IRS2: variants seen among roughly 807,000 people sequenced by gnomAD.
IRS2 encodes the protein insulin receptor substrate 2.
IRS2 carries 28 observed loss-of-function variants against 70.9 expected under a neutral mutation model. That is an observed-to-expected ratio of 0.39 (90% CI 0.29 to 0.54). IRS2 has a LOEUF of 0.54. Ranked by LOEUF, IRS2 falls within the 20% of genes least tolerant of loss-of-function variation. IRS2 has a pLI of 0.59. For synonymous variants in IRS2, 1,217 were observed against 981.9 expected, an observed-to-expected ratio of 1.24 and a Z score of -4.48; for missense variants, 2,081 against 2,024.1, an observed-to-expected ratio of 1.03 and a Z score of -0.54.
At position 109,785,956 on chromosome 13, in the gene IRS2, T is replaced by C. The variant is rs1048711377; in HGVS notation, c.98A>G (p.Lys33Arg). 2.7e-6 allele frequency: 4 copies of C among 1,497,988 alleles called. No individual in the cohort carries two copies. The highest frequency in any genetic ancestry group is 3.5e-6 in the Non-Finnish European group (4 of 1,129,550). 92.8% of individuals were successfully genotyped at this position (1,497,988 alleles called of 1,614,324 possible). The change falls in exon 1 of 2, where the codon AAG becomes AGG. Residue 33 changes from lysine to arginine, a missense_variant. Transcript: ENST00000375856. This position sits in a 1 kb window ranked among gnomAD's most constrained non-coding sequence, Gnocchi z 9.3. ...CTTCTGCTTGCGCAGGTAGCCGCAC[T>C]TGCGCACGCTGTGGTTGTTGTTGTT... ...NNNNNNHSVR[K>R]CGYLRKQKHG...
intron 1 of IRS2, among the ~76,000 whole-genome samples, chr13:109,769,712 C>T (rs1403779642): frequency 1.3e-5 from 2 of 152,178 alleles, no homozygotes; most frequent in Non-Finnish European, 2.9e-5. Context: ...ACTGAAGACT[C>T]GCCCACTTTC....
intron 1 of IRS2, among the ~76,000 whole-genome samples, chr13:109,765,477 C>A (rs1377182457): frequency 6.8e-6 from 1 of 146,988 alleles, no homozygotes. Flanking sequence ...ATATCCCAGC[C>A]TCATCCACCC....
rs779360006 is a variant in IRS2 at position 109,785,477 on chromosome 13, C to T, written c.577G>A (p.Ala193Thr). 2.5e-6 allele frequency: 4 copies of T among 1,611,604 alleles called. No individual in the cohort carries two copies. The highest frequency in any genetic ancestry group is 3.4e-6 in the Non-Finnish European group (4 of 1,179,670). Residue 193 changes from alanine to threonine, a missense_variant, in exon 1 of 2, where the codon GCC becomes ACC. Physicochemically the swap from Ala to Thr is moderately conservative, Grantham distance 58. Coordinates refer to ENST00000375856, the MANE Select transcript of IRS2 (RefSeq NM_003749.3). This position sits in a 1 kb window ranked among gnomAD's most constrained non-coding sequence, Gnocchi z 9.3. Reference protein sequence around the residue: ...SYGLVAPATAAYREVWQVNLK... With the variant: ...SYGLVAPATATYREVWQVNLK... The stretch of plus-strand genomic sequence containing the variant: ...TTCACCTGCCACACCTCACGGTAGG[C>T]GGCCGTGGCGGGAGCCACCAGCCCG...
Position 109,785,019 on chromosome 13 carries a change from G to T in IRS2, c.1035C>A (p.Asp345Glu). The stretch of plus-strand genomic sequence containing the variant: ...CCGCCGGCGGGGTGGCGGCCAGGCT[G>T]TCGGTGCGCGAGCGGCGCACCAGGC... Reference protein sequence around the residue: ...QTGLVRRSRTDSLAATPPAAK... With the variant: ...QTGLVRRSRTESLAATPPAAK... Residue 345 changes from aspartate to glutamate, a missense_variant, in exon 1 of 2, where the codon GAC becomes GAA. By Grantham distance (45) the Asp-to-Glu change is conservative. Coordinates refer to ENST00000375856, the MANE Select transcript of IRS2 (RefSeq NM_003749.3). This position sits in a 1 kb window ranked among gnomAD's most constrained non-coding sequence, Gnocchi z 9.3. 1 of 1,473,352 alleles carries T rather than the reference G, an allele frequency of 6.8e-7. No homozygotes were observed. Among genetic ancestry groups the T allele is most frequent in the Non-Finnish European group, 9.0e-7 (1 of 1,114,172 alleles). The allele number at this position is 1,473,352 out of a possible 1,614,324, so 91.3% of individuals were successfully genotyped here.
intron 1 of IRS2, among the ~76,000 whole-genome samples, chr13:109,761,114 G>A (rs1049296623): frequency 1.3e-5 from 2 of 152,198 alleles, no homozygotes; most frequent in African/African-American, 4.8e-5. Context: ...ATACACCTGG[G>A]TCGTGGCAGC....
intron 1 of IRS2, among the ~76,000 whole-genome samples, chr13:109,760,621 C>A (rs2138911788): frequency 6.6e-6 from 1 of 152,302 alleles, no homozygotes; most frequent in Non-Finnish European, 1.5e-5. Flanking sequence ...GGGATACAGT[C>A]CCCTGTGCCA....
At position 109,753,945 on chromosome 13, in the gene IRS2, C is replaced by T. The variant is rs781092607; in HGVS notation, c.*2359G>A. 3 of 231,998 alleles carry T rather than the reference C, an allele frequency of 1.3e-5. No homozygotes were observed. Among genetic ancestry groups the T allele is most frequent in the African/African-American group, 4.4e-5 (2 of 45,256 alleles). The allele number at this position is 231,998 out of a possible 1,614,324, so 14.4% of individuals were successfully genotyped here. A position where few individuals can be genotyped will look rare whatever the true frequency, so the allele number is the denominator to read the frequency against. On this transcript the variant is annotated 3_prime_UTR_variant, in exon 2 of 2. Transcript: ENST00000375856. ...GCACTATTCTAGTCCAGTTTATTCT[C>T]GTCTCCAGCAGCATCACATTGACCC... is the stretch of plus-strand genomic sequence containing the variant.
chr13:109,785,043 G>A lies in IRS2; in HGVS notation c.1011C>T (p.Gly337=). The A allele has an allele frequency of 2.6e-6, 4 of 1,544,614 alleles. No homozygotes were observed. Among genetic ancestry groups the A allele is most frequent in the Non-Finnish European group, 3.5e-6 (4 of 1,146,668 alleles). ...HLVNLPPSQT[G]LVRRSRTDSL... ...TGTCGGTGCGCGAGCGGCGCACCAGGCCCGTCTGGCTGGGGGGCAGGTTGA... is the reference window on the plus strand; with the variant it reads ...TGTCGGTGCGCGAGCGGCGCACCAGACCCGTCTGGCTGGGGGGCAGGTTGA... The change falls in exon 1 of 2, where the codon GGC becomes GGT. Residue 337 remains glycine (G), a synonymous_variant. Transcript: ENST00000375856. This position sits in a 1 kb window ranked among gnomAD's most constrained non-coding sequence, Gnocchi z 9.3.
chr13:109,760,787 G>T (rs892161393), intron 1 of IRS2, among the ~76,000 whole-genome samples: 4 of 152,182 alleles, frequency 2.6e-5, no homozygotes, highest in Non-Finnish European at 4.4e-5. Flanking sequence ...AAGGAGGAAA[G>T]AAAACAAATC....
chr13:109,770,959 C>G (rs1877440514), intron 1 of IRS2, among the ~76,000 whole-genome samples: 1 of 152,218 alleles, frequency 6.6e-6, no homozygotes, highest in South Asian at 2.1e-4. Flanking sequence ...CTAAGAACTT[C>G]ATTAAATGCT....
chr13:109,784,707 C>A lies in IRS2; in HGVS notation c.1347G>T (p.Ser449=), dbSNP rs1877858227. 1 of 1,231,508 alleles carries A rather than the reference C, an allele frequency of 8.1e-7. No homozygotes were observed. The highest frequency in any genetic ancestry group is 1.6e-5 in the African/African-American group (1 of 63,844). 76.3% of individuals were successfully genotyped at this position (1,231,508 alleles called of 1,614,324 possible). The change falls in exon 1 of 2, where the codon TCG becomes TCT. Residue 449 remains serine, a synonymous_variant. Transcript: ENST00000375856. This position sits in a 1 kb window ranked among gnomAD's most constrained non-coding sequence, Gnocchi z 5.2. ...AGCCCGAGCCGTGGCCGCTGCTGGACGACAGGGAGCCGGGGCTGGTGGCGG... is the reference window on the plus strand; with the variant it reads ...AGCCCGAGCCGTGGCCGCTGCTGGAAGACAGGGAGCCGGGGCTGGTGGCGG... ...PPAATSPGSL[S]SSSGHGSGSY...
rs1215118333 is a variant in IRS2, at chr13:109,782,850, G to A, written c.3204C>T (p.Asp1068=). The A allele has an allele frequency of 2.9e-5, 46 of 1,581,270 alleles. No individual in the cohort carries two copies. Among genetic ancestry groups the A allele is most frequent in the Non-Finnish European group, 3.7e-5 (43 of 1,164,846 alleles). The change falls in exon 1 of 2, where the codon GAC becomes GAT. Residue 1068 remains aspartate, a synonymous_variant. Coordinates refer to ENST00000375856, the MANE Select transcript of IRS2 (RefSeq NM_003749.3). ...AASSLSSDTG[D]NGDYTEMAFG... is the part of the protein sequence containing the mutation. ...AAGCCATCTCGGTGTAGTCACCATTGTCCCCGGTGTCCGAGGACAACGATG... is the reference window on the plus strand; with the variant it reads ...AAGCCATCTCGGTGTAGTCACCATTATCCCCGGTGTCCGAGGACAACGATG...
chr13:109,768,725 T>A (rs925500504), intron 1 of IRS2, among the ~76,000 whole-genome samples: 3 of 152,126 alleles, frequency 2.0e-5, no homozygotes, highest in South Asian at 2.1e-4. Flanking sequence ...TTTTTTTTTT[T>A]AAATGACGGC....
chr13:109,755,233 GTT>G lies in IRS2; in HGVS notation c.*1069_*1070del, dbSNP rs57032199. ...TCTTTCCTTTTTTTTTTTTCTTTTT[GTT>G]TTTTTTGTTCAGGGCAGCCTCACTG... On this transcript the variant is annotated 3_prime_UTR_variant, in exon 2 of 2. Transcript: ENST00000375856. 2 of 206,182 alleles carry G rather than the reference GTT, an allele frequency of 9.7e-6. No individual in the cohort carries two copies. The highest frequency in any genetic ancestry group is 6.4e-5 in the Admixed American group (1 of 15,746). 12.8% of individuals were successfully genotyped at this position (206,182 alleles called of 1,614,324 possible).
intron 1 of IRS2, among the ~76,000 whole-genome samples, chr13:109,760,669 C>T (rs951325817): frequency 1.3e-5 from 2 of 152,164 alleles, no homozygotes; most frequent in Admixed American, 1.3e-4. Context: ...ATAATTCCTC[C>T]CCTTTTCTCC....
At chr13:109,767,786 G>A (rs1967911) in intron 1 of IRS2, among the ~76,000 whole-genome samples, 40,094 of 145,760 alleles carry the variant, frequency 0.28, 6,447 homozygotes, top group East Asian at 0.43. Flanking sequence ...AGGCTGGAGC[G>A]CAGTGGTGCA....
chr13:109,779,769 A>G (rs539406448), intron 1 of IRS2, among the ~76,000 whole-genome samples: 1 of 152,290 alleles, frequency 6.6e-6, no homozygotes, highest in Non-Finnish European at 1.5e-5. Flanking sequence ...AACTTCGGAC[A>G]AACAGCAGCC....
In IRS2 at chr13:109,784,199, A is replaced by G. The variant is rs2138935108; in HGVS notation, c.1855T>C (p.Ser619Pro). The G allele has an allele frequency of 6.4e-7, 1 of 1,574,658 alleles. No individual in the cohort carries two copies. Among genetic ancestry groups the G allele is most frequent in the Non-Finnish European group, 8.6e-7 (1 of 1,161,172 alleles). Residue 619 changes from serine to proline, a missense_variant, in exon 1 of 2, where the codon TCC (serine) becomes CCC (proline). This residue lies in a region of IRS2 where 1,615 missense variants were observed against 1,459.5 expected (regional missense o/e 1.11). Transcript: ENST00000375856. This position sits in a 1 kb window ranked among gnomAD's most constrained non-coding sequence, Gnocchi z 5.2. ...AGRLCPSCPA[S>P]SPKVAYHPYP... ...GGGTGGTAGGCCACCTTGGGAGAGG[A>G]CGCGGGGCAGGACGGGCAGAGGCGG...
In IRS2 at chr13:109,782,131, C is replaced by A. The variant is rs751187145; in HGVS notation, c.3923G>T (p.Gly1308Val). The A allele has an allele frequency of 3.1e-6, 5 of 1,607,898 alleles. No individual in the cohort carries two copies. The East Asian group carries it at 9.0e-5, about 29-fold the overall frequency. ...AGGGGGCAGGGCACCGGGACCCGGC[C>A]CCCCGCACCCGCCGCCGGTGCTGCC... is the stretch of plus-strand genomic sequence containing the variant. ...GVGSTGGGCG[G>V]PGPGALPPAN... is the part of the protein sequence containing the mutation. Residue 1308 changes from glycine (G) to valine (V), a missense_variant, in exon 1 of 2, where the codon GGG becomes GTG. By Grantham distance (109) the Gly-to-Val change is moderately radical (BLOSUM62 -3). Around this residue, in one of 4 missense-constraint regions of IRS2, gnomAD observed 1,615 missense variants for 1,459.5 expected, o/e 1.11. Transcript: ENST00000375856.
Sources: allele counts gnomAD v4.1 joint callset (sites outside exome capture counted in the v4.1 genomes callset), GRCh38; gene constraint gnomAD v4.1.1; regional missense constraint gnomAD v4.1.1; non-coding constraint Gnocchi (gnomAD v3.1); transcripts MANE v1.5; gene names NCBI Gene and HGNC (gene_info 2026-07-23, HGNC 2026-07-21).